The following PGM2L1 variants were observed in gnomAD, a reference collection of about 807,000 sequenced individuals.
PGM2L1 encodes glucose 1,6-bisphosphate synthase.
A neutral mutation model predicts 73.4 loss-of-function variants in PGM2L1; 35 were observed. The ratio of observed to expected loss-of-function variants is 0.48; its 90% CI spans 0.36 to 0.63. PGM2L1 has a LOEUF of 0.63. Among genes scored for constraint, PGM2L1 ranks in the 30% least tolerant of loss-of-function variants. The pLI, the probability that PGM2L1 is intolerant of heterozygous loss-of-function variation, is 0.00. For missense variants in PGM2L1, 570 were observed against 742.0 expected, an observed-to-expected ratio of 0.77 and a Z score of 2.69; for synonymous variants, 225 against 253.8, an observed-to-expected ratio of 0.89 and a Z score of 1.08.
chr11:74,363,938 T>A (rs1862609775), intron 5 of PGM2L1, among the ~76,000 whole-genome samples: 2 of 152,218 alleles, frequency 1.3e-5, no homozygotes, highest in Non-Finnish European at 2.9e-5. Flanking sequence ...CAAATATTCC[T>A]GATAAACATC....
intron 1 of PGM2L1, among the ~76,000 whole-genome samples, chr11:74,375,683 T>C (rs1411869273): frequency 1.3e-5 from 2 of 152,128 alleles, no homozygotes; most frequent in African/African-American, 4.8e-5. Context: ...CTGGTTATAG[T>C]AGAAATTAAA....
At chr11:74,365,273 C>G (rs904171555) in intron 5 of PGM2L1, among the ~76,000 whole-genome samples, 75 of 152,276 alleles carry the variant, frequency 4.9e-4, no homozygotes, top group Non-Finnish European at 8.4e-4. Flanking sequence ...CAGAAGAAAA[C>G]CTAGGCAATA....
At chr11:74,342,339 A>G (rs1022804525) in intron 12 of PGM2L1, 122 bp downstream of exon 12, 6 of 762,312 alleles carry the variant, frequency 7.9e-6, no homozygotes, top group African/African-American at 1.8e-5. Context: ...CCTTTATAAT[A>G]AACTGGTAAA....
intron 5 of PGM2L1, chr11:74,354,653 C>T (rs1862414327): frequency 8.0e-6 from 9 of 1,129,812 alleles, no homozygotes; most frequent in Non-Finnish European, 1.2e-5. Flanking sequence ...GTGGATGCAG[C>T]CATGAATGCA....
intron 4 of PGM2L1, among the ~76,000 whole-genome samples, chr11:74,370,393 G>A (rs754281763): frequency 6.6e-6 from 1 of 152,148 alleles, no homozygotes; most frequent in Non-Finnish European, 1.5e-5. Flanking sequence ...TTATGAATGT[G>A]TTTTAAAAAT....
At position 74,343,416 on chromosome 11, in the gene PGM2L1, C is replaced by T; in HGVS notation, c.1219G>A (p.Glu407Lys). ...ATCCATTTAAAACCTGGTAATGTTT[C>T]CTGAAATGCAGAGGAGGCCACTCTA... is the stretch of plus-strand genomic sequence containing the variant. ...IALKEGFHFE[E>K]TLPGFKWIGS... The change falls in exon 10 of 14, where the codon GAA becomes AAA. Residue 407 changes from glutamate (E) to lysine (K), a missense_variant and splice_region_variant. Coordinates refer to ENST00000298198, the MANE Select transcript of PGM2L1 (RefSeq NM_173582.6). 2 of 1,603,910 alleles carry T rather than the reference C, an allele frequency of 1.2e-6. No individual in the cohort carries two copies. The highest frequency in any genetic ancestry group is 1.7e-6 in the Non-Finnish European group (2 of 1,177,530).
intron 12 of PGM2L1, among the ~76,000 whole-genome samples, chr11:74,340,289 T>C (rs750861767): frequency 2.0e-5 from 3 of 152,154 alleles, no homozygotes; most frequent in Non-Finnish European, 2.9e-5. Flanking sequence ...TTATACACTT[T>C]AACGAGAATT....
intron 13 of PGM2L1, 144 bp from the exon 14 acceptor site, chr11:74,336,898 C>T (rs976543242): frequency 1.1e-5 from 6 of 544,658 alleles, no homozygotes; most frequent in Middle Eastern, 5.2e-4. Context: ...TAAAACAAAA[C>T]AAGACCAAAA....
At position 74,368,109 on chromosome 11, in the gene PGM2L1, G is replaced by C. The variant is rs191053098; in HGVS notation, c.555+383C>G. ...AATCCTGTGGCCAAGAAGCAGCTCC[G>C]GCAGAAAGTCAGAGAGAGAGGAGAG... On this transcript the variant is annotated intron_variant, in intron 5 of 13. Transcript: ENST00000298198. Among the ~76,000 whole-genome samples, 13 of 152,224 alleles carry C rather than the reference G, an allele frequency of 8.5e-5. No homozygotes were observed. In the East Asian group the frequency reaches 2.3e-3, roughly 27 times the overall value.
chr11:74,371,724 A>G lies in PGM2L1; in HGVS notation c.373T>C (p.Cys125Arg). The change falls in exon 3 of 14, where the codon TGC becomes CGC. Residue 125 changes from cysteine (C) to arginine (R), a missense_variant. Physicochemically the swap from Cys to Arg is radical, Grantham distance 180 (BLOSUM62 -3). Coordinates refer to ENST00000298198, the MANE Select transcript of PGM2L1 (RefSeq NM_173582.6). ...YDTRGQVTSS[C>R]SSQRLAKLTA... ...TTAACTTTGTACCTCTGGCTGCTGC[A>G]GCTGCTAGTTACTTGACCCCGAGTG... 6.2e-7 allele frequency: 1 copy of G among 1,613,118 alleles called. No individual in the cohort carries two copies. Among genetic ancestry groups the G allele is most frequent in the Non-Finnish European group, 8.5e-7 (1 of 1,179,122 alleles).
chr11:74,338,529 T>C lies in PGM2L1; in HGVS notation c.1705A>G (p.Thr569Ala), dbSNP rs143682373. 36 of 1,606,454 alleles carry C rather than the reference T, an allele frequency of 2.2e-5. No homozygotes were observed. Among genetic ancestry groups the C allele is most frequent in the Non-Finnish European group, 2.8e-5 (33 of 1,174,330 alleles). ...TTTATCTTTGGTTCTGTTCCACTTG[T>C]CCGAAGGGTAGCAACACAGCCATTT... Reference protein sequence around the residue: ...FQNGCVATLRTSGTEPKIKYY... With the variant: ...FQNGCVATLRASGTEPKIKYY... Residue 569 changes from threonine (T) to alanine (A), a missense_variant, in exon 13 of 14, where the codon ACA becomes GCA. Thr to Ala is a moderately conservative substitution (Grantham distance 58). Coordinates refer to ENST00000298198, the MANE Select transcript of PGM2L1 (RefSeq NM_173582.6).
chr11:74,359,428 T>C (rs1447416885), intron 5 of PGM2L1, among the ~76,000 whole-genome samples: 2 of 151,624 alleles, frequency 1.3e-5, no homozygotes, highest in Admixed American at 6.6e-5. Context: ...TACAAATATA[T>C]ACACATACAC....
intron 11 of PGM2L1, 24 bp downstream of exon 11, chr11:74,342,861 G>T (rs756750360): frequency 1.9e-6 from 3 of 1,557,096 alleles, no homozygotes; most frequent in South Asian, 1.2e-5. Flanking sequence ...TCTAGCATGT[G>T]AAATTCATAA....
At position 74,360,858 on chromosome 11, in the gene PGM2L1, C is replaced by T. The variant is rs941261308; in HGVS notation, c.555+7634G>A. On this transcript the variant is annotated intron_variant, in intron 5 of 13. Coordinates refer to ENST00000298198, the MANE Select transcript of PGM2L1 (RefSeq NM_173582.6). ...GGCCGCAGTGAGGCCGGGGGAGGGG[C>T]GCCCGCCATTGCTGAGGCTTGAGTA... Among the ~76,000 whole-genome samples, 12 of 152,318 alleles carry T rather than the reference C, an allele frequency of 7.9e-5. No homozygotes were observed. The South Asian group carries it at 2.1e-3, about 26-fold the overall frequency.
Position 74,376,455 on chromosome 11 carries a change from G to GTA in PGM2L1, c.112-1875_112-1874dup, listed in dbSNP as rs200968433. ...TTTTTATAACAAGTATAGTGTGTGTGTATATATATATAGTATGTATATATA... is the reference window on the plus strand; with the variant it reads ...TTTTTATAACAAGTATAGTGTGTGTGTATATATATATATAGTATGTATATATA... On this transcript the variant is annotated intron_variant, in intron 1 of 13. Transcript: ENST00000298198. Among the ~76,000 whole-genome samples the GTA allele has an allele frequency of 3.3e-3, 502 of 150,468 alleles. 3 individuals are homozygous for GTA. The highest frequency in any genetic ancestry group is 0.032 in the Middle Eastern group (9 of 278).
chr11:74,368,640 ATAATTTTGAT>A lies in PGM2L1; in HGVS notation c.472-75_472-66del, dbSNP rs1456488031. ...AGCTATTTACACATTTGACATGAGA[ATAATTTTGAT>A]TAAATAACAGGAAAAGCATTATAGT... On this transcript the variant is annotated intron_variant, in intron 4 of 13. Transcript: ENST00000298198. 8.5e-6 allele frequency: 11 copies of A among 1,288,018 alleles called. No individual in the cohort carries two copies. In the East Asian group the frequency reaches 2.4e-4, roughly 28 times the overall value. 79.8% of individuals were successfully genotyped at this position (1,288,018 alleles called of 1,614,324 possible).
At chr11:74,353,430 C>G (rs1002329410) in intron 5 of PGM2L1, among the ~76,000 whole-genome samples, 10 of 151,604 alleles carry the variant, frequency 6.6e-5, no homozygotes, top group Admixed American at 4.6e-4. Flanking sequence ...GGAAGGTCAG[C>G]AGATAAACAT....
chr11:74,340,397 A>C (rs1292342152), intron 12 of PGM2L1, among the ~76,000 whole-genome samples: 1 of 152,230 alleles, frequency 6.6e-6, no homozygotes, highest in Non-Finnish European at 1.5e-5. Context: ...AGCAATTTAC[A>C]AAGATAGAAA....
Position 74,334,581 on chromosome 11 carries a change from AG to A in PGM2L1, c.*2070del, listed in dbSNP as rs1862064459. ...TACAGTCATATAAGATCCAACAATA[AG>A]AAAGTAAGGAAGGAACAAATTAACA... On this transcript the variant is annotated 3_prime_UTR_variant, in exon 14 of 14. Coordinates refer to ENST00000298198, the MANE Select transcript of PGM2L1 (RefSeq NM_173582.6). The A allele has an allele frequency of 6.6e-6, 1 of 152,260 alleles. No homozygotes were observed. Among genetic ancestry groups the A allele is most frequent in the Non-Finnish European group, 1.5e-5 (1 of 68,046 alleles). 9.4% of individuals were successfully genotyped at this position (152,260 alleles called of 1,614,324 possible).
Sources: allele counts gnomAD v4.1 joint callset (sites outside exome capture counted in the v4.1 genomes callset), GRCh38; gene constraint gnomAD v4.1.1; transcripts MANE v1.5; gene names NCBI Gene and HGNC (gene_info 2026-07-23, HGNC 2026-07-21).